The following BTG4 variants were observed in gnomAD, a reference collection of about 807,000 sequenced individuals.
BTG4 encodes protein BTG4.
A neutral mutation model predicts 19.3 loss-of-function variants in BTG4; 10 were observed. The ratio of observed to expected loss-of-function variants is 0.52; its 90% CI spans 0.32 to 0.88. The LOEUF is 0.88. Among genes scored for constraint, BTG4 ranks in the 40% least tolerant of loss-of-function variants. The pLI is 0.04. For missense variants in BTG4, 238 were observed against 281.9 expected, an observed-to-expected ratio of 0.84 and a Z score of 1.11; for synonymous variants, 91 against 95.7, an observed-to-expected ratio of 0.95 and a Z score of 0.29.
downstream of BTG4, among the ~76,000 whole-genome samples, chr11:111,465,000 A>T (rs1213855777): frequency 1.3e-5 from 2 of 152,170 alleles, no homozygotes; most frequent in Non-Finnish European, 2.9e-5. Context: ...GCTAATGTAA[A>T]GGTGTGAGGC....
At chr11:111,433,463 C>A in the BTG4 span, among the ~76,000 whole-genome samples, 37,567 of 152,072 alleles carry the variant, frequency 0.25, 5,294 homozygotes, top group South Asian at 0.5. Context: ...AGAAGAAAAC[C>A]TAGGCAACAC....
intron 1 of BTG4, among the ~76,000 whole-genome samples, chr11:111,506,962 C>T (rs1476766194): frequency 2.0e-5 from 3 of 151,328 alleles, no homozygotes; most frequent in African/African-American, 7.3e-5. Flanking sequence ...GTGAACTTTA[C>T]TAAATGTAAG....
At chr11:111,423,842 A>G in the BTG4 span, among the ~76,000 whole-genome samples, 1 of 152,256 alleles carries the variant, frequency 6.6e-6, no homozygotes, top group East Asian at 1.9e-4. Flanking sequence ...CTGTGAGCTG[A>G]GGACTGTTAA....
chr11:111,414,356 T>C, the BTG4 span: 1 of 152,172 alleles, frequency 6.6e-6, no homozygotes, highest in South Asian at 2.1e-4. Context: ...AGATGAGTCC[T>C]GAGAGCTGAG....
chr11:111,428,309 C>CATCA, the BTG4 span, among the ~76,000 whole-genome samples: 3 of 152,132 alleles, frequency 2.0e-5, no homozygotes, highest in Non-Finnish European at 4.4e-5. Flanking sequence ...CTACACCCTT[C>CATCA]TCTATGATGA....
At chr11:111,466,562 C>A (rs1211134760), downstream of BTG4, among the ~76,000 whole-genome samples, 1 of 152,096 alleles carries the variant, frequency 6.6e-6, no homozygotes, top group Non-Finnish European at 1.5e-5. Context: ...GGACAGAAGA[C>A]CATGTAGCAT....
the BTG4 span, chr11:111,414,144 AT>A: frequency 6.6e-6 from 1 of 152,144 alleles, no homozygotes. Flanking sequence ...ATGTTACTTA[AT>A]TTTTCCTTTA....
the BTG4 span, among the ~76,000 whole-genome samples, chr11:111,388,933 C>T: frequency 1.3e-5 from 2 of 152,232 alleles, no homozygotes; most frequent in African/African-American, 4.8e-5. Flanking sequence ...GAACCTCCTC[C>T]TCTTCCTCTT....
chr11:111,513,497 A>G (rs745869935), upstream of BTG4: 11 of 531,586 alleles, frequency 2.1e-5, no homozygotes, highest in South Asian at 1.5e-4. Context: ...CACTAACCAC[A>G]CGGCCAGGTA....
chr11:111,444,423 A>C, the BTG4 span, among the ~76,000 whole-genome samples: 2 of 151,804 alleles, frequency 1.3e-5, 1 homozygote, highest in South Asian at 4.2e-4. Flanking sequence ...GGACATAGAG[A>C]GTAGAAGGAT....
At chr11:111,477,722 A>G (rs1458240046) in intron 5 of BTG4, among the ~76,000 whole-genome samples, 1 of 152,162 alleles carries the variant, frequency 6.6e-6, no homozygotes, top group African/African-American at 2.4e-5. Context: ...TAAAGAAGCC[A>G]GCAACCCATA....
chr11:111,453,809 A>G, the BTG4 span, among the ~76,000 whole-genome samples: 52 of 152,352 alleles, frequency 3.4e-4, no homozygotes, highest in African/African-American at 1.2e-3. Context: ...ACACTTTCCA[A>G]AAGAAACATA....
chr11:111,430,198 G>T, the BTG4 span, among the ~76,000 whole-genome samples: 1 of 152,080 alleles, frequency 6.6e-6, no homozygotes, highest in Non-Finnish European at 1.5e-5. Context: ...AGGTTGCCAG[G>T]GTACAGCTTG....
the BTG4 span, among the ~76,000 whole-genome samples, chr11:111,432,412 G>A: frequency 6.6e-6 from 1 of 152,212 alleles, no homozygotes; most frequent in African/African-American, 2.4e-5. Context: ...GGGAAGTCGA[G>A]GTGGGTAGAT....
intron 5 of BTG4, among the ~76,000 whole-genome samples, chr11:111,471,634 A>G (rs140433127): frequency 1.3e-5 from 2 of 151,922 alleles, no homozygotes. Flanking sequence ...CCCCTTCTCC[A>G]GTCTATATTT....
upstream of BTG4, chr11:111,514,710 C>A: frequency 9.0e-7 from 1 of 1,117,170 alleles, no homozygotes; most frequent in Non-Finnish European, 1.2e-6. Context: ...ACCAACTTGG[C>A]GGTTCTCGGA....
chr11:111,481,315 C>A (rs1415514509), intron 5 of BTG4, among the ~76,000 whole-genome samples: 1 of 151,800 alleles, frequency 6.6e-6, no homozygotes, highest in African/African-American at 2.4e-5. Context: ...AGGAAGAAGT[C>A]TCCAGGCCCA....
At chr11:111,501,155 C>A (rs990892659) in intron 1 of BTG4, among the ~76,000 whole-genome samples, 2 of 151,996 alleles carry the variant, frequency 1.3e-5, no homozygotes, top group African/African-American at 4.8e-5. Flanking sequence ...CACTTGAGGT[C>A]AGGAGTTTGA....
the BTG4 span, among the ~76,000 whole-genome samples, chr11:111,443,465 G>T: frequency 6.6e-6 from 1 of 152,100 alleles, no homozygotes. Context: ...TGGGTGTGAG[G>T]TATATGAGAA....
Sources: gnomAD v4.1 joint callset for allele counts (sites outside exome capture counted in the v4.1 genomes callset) on GRCh38, gnomAD v4.1.1 for gene constraint, MANE v1.5 for transcripts, NCBI Gene and HGNC (gene_info 2026-07-23, HGNC 2026-07-21) for gene names.